Variants in SAMD3 observed in about 807,000 individuals in gnomAD.
SAMD3 encodes the protein sterile alpha motif domain-containing protein 3.
In SAMD3, 63 loss-of-function variants were observed where a neutral mutation model predicts 58.5. That is an observed-to-expected ratio of 1.08 (90% confidence interval 0.88 to 1.33). The LOEUF is 1.33. Ranked by LOEUF, SAMD3 falls within the 40% of genes most tolerant of loss-of-function variation. The pLI is 0.00. For missense variants in SAMD3, 604 were observed against 608.4 expected, an observed-to-expected ratio of 0.99 and a Z score of 0.08; for synonymous variants, 220 against 210.3, an observed-to-expected ratio of 1.05 and a Z score of -0.40.
intron 2 of SAMD3, among the ~76,000 whole-genome samples, chr6:130,239,763 G>A (rs775341309): frequency 2.6e-5 from 4 of 152,118 alleles, no homozygotes; most frequent in Admixed American, 6.5e-5. Context: ...CCATTTTGAG[G>A]GGCAAGTTTT....
chr6:130,276,484 G>A (rs975543728), intron 2 of SAMD3, among the ~76,000 whole-genome samples: 7 of 152,016 alleles, frequency 4.6e-5, no homozygotes, highest in South Asian at 2.1e-4. Context: ...AATAATATGA[G>A]TCTCTCATAA....
chr6:130,184,201 CAAG>C lies in SAMD3; in HGVS notation c.570-17_570-15del, dbSNP rs750485198. 5.6e-6 allele frequency: 9 copies of C among 1,595,170 alleles called. No individual in the cohort carries two copies. The highest frequency in any genetic ancestry group is 1.3e-5 in the African/African-American group (1 of 74,480). On this transcript the variant is annotated splice_polypyrimidine_tract_variant and intron_variant, in intron 6 of 11. Transcript: ENST00000439090. The stretch of plus-strand genomic sequence containing the variant: ...GTGCTGGGGTACCTGTTCACCAAAA[CAAG>C]GAGGATATGTTTCACTTCAAGCAAA...
chr6:130,154,915 T>C lies in SAMD3; in HGVS notation c.933A>G (p.Gln311=). 6.2e-7 allele frequency: 1 copy of C among 1,613,576 alleles called. No individual in the cohort carries two copies. The highest frequency in any genetic ancestry group is 1.7e-5 in the Admixed American group (1 of 59,974). ...DWREIDKRMS[Q]TLEIRRKMIG... Reference sequence around the variant, plus strand: ...TCATCTTTCTTCTTATTTCCAAAGTTTGGCTCATTCTCTTGTCAATTTCTC... The same window carrying C: ...TCATCTTTCTTCTTATTTCCAAAGTCTGGCTCATTCTCTTGTCAATTTCTC... The change falls in exon 9 of 12, where the codon CAA becomes CAG. Residue 311 remains glutamine (Q), a synonymous_variant. Transcript: ENST00000439090.
At chr6:130,174,991 A>G (rs926543686) in intron 8 of SAMD3, among the ~76,000 whole-genome samples, 6 of 152,250 alleles carry the variant, frequency 3.9e-5, no homozygotes, top group African/African-American at 7.2e-5. Context: ...CCCTTTTATT[A>G]TCCAATAAAT....
chr6:130,167,065 C>T (rs759378081), intron 8 of SAMD3, among the ~76,000 whole-genome samples: 7 of 151,742 alleles, frequency 4.6e-5, no homozygotes, highest in East Asian at 3.9e-4. Context: ...TTCTCTGTGG[C>T]GCAATTTATA....
At chr6:130,306,210 A>G (rs1775906477) in intron 2 of SAMD3, among the ~76,000 whole-genome samples, 1 of 152,218 alleles carries the variant, frequency 6.6e-6, no homozygotes, top group African/African-American at 2.4e-5. Context: ...TTTATCAACT[A>G]TTCTTGGATT....
chr6:130,251,330 C>A (rs943843626), intron 2 of SAMD3, among the ~76,000 whole-genome samples: 10 of 152,098 alleles, frequency 6.6e-5, no homozygotes, highest in Admixed American at 6.5e-4. Context: ...GATTCTATAT[C>A]TTTTCAACCT....
chr6:130,317,884 G>A (rs962438759), intron 1 of SAMD3, among the ~76,000 whole-genome samples: 4 of 152,216 alleles, frequency 2.6e-5, no homozygotes, highest in Non-Finnish European at 5.9e-5. Flanking sequence ...AGAGTAAGGA[G>A]ATTCTCAGGG....
At chr6:130,268,380 G>A (rs1326333431) in intron 2 of SAMD3, among the ~76,000 whole-genome samples, 3 of 152,082 alleles carry the variant, frequency 2.0e-5, no homozygotes, top group African/African-American at 7.2e-5. Flanking sequence ...AGTAAGCTAA[G>A]GTTAATATAT....
At chr6:130,174,281 C>G (rs1381828739) in intron 8 of SAMD3, among the ~76,000 whole-genome samples, 7 of 152,194 alleles carry the variant, frequency 4.6e-5, no homozygotes. Flanking sequence ...CAATTTTGTG[C>G]TTGAAACCCA....
intron 8 of SAMD3, among the ~76,000 whole-genome samples, chr6:130,164,289 ATC>A (rs1432141187): frequency 1.3e-5 from 2 of 152,224 alleles, no homozygotes. Flanking sequence ...CTTAGAAAGA[ATC>A]TTCAAATAAA....
chr6:130,148,372 C>T (rs1255127074), intron 9 of SAMD3, among the ~76,000 whole-genome samples: 1 of 152,230 alleles, frequency 6.6e-6, no homozygotes, highest in African/African-American at 2.4e-5. Flanking sequence ...CAGTAGGAGT[C>T]GCTTCAAACA....
intron 5 of SAMD3, among the ~76,000 whole-genome samples, chr6:130,189,595 T>G (rs895863487): frequency 1.3e-5 from 2 of 152,172 alleles, no homozygotes; most frequent in African/African-American, 2.4e-5. Context: ...CTAAGTGTCA[T>G]GAAATTTTCC....
intron 9 of SAMD3, among the ~76,000 whole-genome samples, chr6:130,152,581 G>T (rs1266298459): frequency 4.6e-5 from 7 of 152,084 alleles, no homozygotes; most frequent in African/African-American, 1.7e-4. Flanking sequence ...GGAGGCTGAG[G>T]CAGGAAAATC....
At chr6:130,263,702 G>A (rs964269502) in intron 2 of SAMD3, among the ~76,000 whole-genome samples, 1 of 152,238 alleles carries the variant, frequency 6.6e-6, no homozygotes, top group South Asian at 2.1e-4. Flanking sequence ...TCTAATGCTT[G>A]CCTTGTGGAG....
At chr6:130,289,840 T>C (rs1352029687) in intron 2 of SAMD3, among the ~76,000 whole-genome samples, 5 of 152,140 alleles carry the variant, frequency 3.3e-5, no homozygotes, top group African/African-American at 4.8e-5. Context: ...AAGACCTAGG[T>C]AGGTGATGGC....
intron 9 of SAMD3, among the ~76,000 whole-genome samples, chr6:130,151,599 G>A (rs1037298318): frequency 2.6e-5 from 4 of 151,928 alleles, no homozygotes; most frequent in Admixed American, 6.6e-5. Context: ...GTGCCACCAC[G>A]CCCGGCTAAT....
At chr6:130,326,422 C>T (rs970401820) in intron 1 of SAMD3, among the ~76,000 whole-genome samples, 4 of 145,568 alleles carry the variant, frequency 2.7e-5, no homozygotes, top group Admixed American at 7.1e-5. Context: ...GCCAATGTGA[C>T]GTATTTTTTA....
intron 2 of SAMD3, among the ~76,000 whole-genome samples, chr6:130,293,325 A>C (rs922193329): frequency 5.3e-5 from 8 of 152,168 alleles, no homozygotes; most frequent in African/African-American, 1.9e-4. Context: ...TGTATTTGAC[A>C]TCTTTGACTG....
Sources: allele counts gnomAD v4.1 joint callset (sites outside exome capture counted in the v4.1 genomes callset), GRCh38; gene constraint gnomAD v4.1.1; transcripts MANE v1.5; gene names NCBI Gene and HGNC (gene_info 2026-07-23, HGNC 2026-07-21).